NRG3: variants seen among roughly 807,000 people sequenced by gnomAD.
NRG3 encodes pro-neuregulin-3, membrane-bound isoform.
In NRG3, 31 loss-of-function variants were observed where a neutral mutation model predicts 66.9. That is an observed-to-expected ratio of 0.46 (90% confidence interval 0.35 to 0.63). The LOEUF (loss-of-function observed/expected upper bound fraction) is 0.63. Among genes scored for constraint, NRG3 ranks in the 20% least tolerant of loss-of-function variants. The pLI, the probability that NRG3 is intolerant of heterozygous loss-of-function variation, is 0.00. For missense variants in NRG3, 910 were observed against 878.9 expected, an observed-to-expected ratio of 1.04 and a Z score of -0.45; for synonymous variants, 393 against 359.4, an observed-to-expected ratio of 1.09 and a Z score of -1.06.
intron 2 of NRG3, among the ~76,000 whole-genome samples, chr10:82,471,351 C>T (rs930668545): frequency 5.3e-5 from 8 of 152,046 alleles, no homozygotes; most frequent in African/African-American, 1.7e-4. Context: ...GTTGGAGGCT[C>T]TCTGGGGATC....
At chr10:82,603,041 C>T (rs1159149273) in intron 2 of NRG3, among the ~76,000 whole-genome samples, 1 of 152,118 alleles carries the variant, frequency 6.6e-6, no homozygotes, top group Non-Finnish European at 1.5e-5. Flanking sequence ...GTAACTAGCC[C>T]TTTGGGTCTA....
intron 1 of NRG3, among the ~76,000 whole-genome samples, chr10:82,193,915 A>G (rs74618040): frequency 0.033 from 5,030 of 152,232 alleles, 122 homozygotes; most frequent in African/African-American, 0.069. Context: ...AAACATCAGG[A>G]ACAGAAAACA....
At chr10:82,273,477 A>T (rs956189669) in intron 1 of NRG3, among the ~76,000 whole-genome samples, 1 of 152,094 alleles carries the variant, frequency 6.6e-6, no homozygotes, top group African/African-American at 2.4e-5. Flanking sequence ...AACATTTTTT[A>T]AAATTTAAAA....
intron 1 of NRG3, among the ~76,000 whole-genome samples, chr10:82,088,504 A>C (rs1372240351): frequency 6.6e-6 from 1 of 152,194 alleles, no homozygotes; most frequent in Non-Finnish European, 1.5e-5. Flanking sequence ...TGTTGTGAGA[A>C]TTGAAAGCCT....
chr10:82,031,202 T>C (rs2062553563), intron 1 of NRG3, among the ~76,000 whole-genome samples: 1 of 152,158 alleles, frequency 6.6e-6, no homozygotes, highest in Non-Finnish European at 1.5e-5. Context: ...TTGTTTCAAC[T>C]GAGTGCACAC....
At chr10:82,979,612 A>G (rs1355854991) in intron 8 of NRG3, among the ~76,000 whole-genome samples, 1 of 152,134 alleles carries the variant, frequency 6.6e-6, no homozygotes, top group East Asian at 1.9e-4. Flanking sequence ...AACTTACTGA[A>G]CTCATATATG....
At chr10:81,889,208 C>A (rs568358975) in intron 1 of NRG3, 5 of 152,180 alleles carry the variant, frequency 3.3e-5, no homozygotes. Context: ...GAGGCAAAAA[C>A]TCCTTTATGA....
chr10:82,449,854 C>G (rs1263114122), intron 2 of NRG3, among the ~76,000 whole-genome samples: 1 of 152,140 alleles, frequency 6.6e-6, no homozygotes, highest in Non-Finnish European at 1.5e-5. Context: ...AACAATAACT[C>G]ATTCAGGGCT....
intron 1 of NRG3, among the ~76,000 whole-genome samples, chr10:82,173,541 A>G (rs1438486134): frequency 1.3e-5 from 2 of 152,116 alleles, no homozygotes; most frequent in African/African-American, 4.8e-5. Flanking sequence ...GTACAAGGAC[A>G]TTGACCAGAT....
chr10:82,083,767 T>C (rs1395885748), intron 1 of NRG3, among the ~76,000 whole-genome samples: 4 of 150,672 alleles, frequency 2.7e-5, no homozygotes, highest in African/African-American at 9.8e-5. Context: ...GCTAATGTTT[T>C]TTTTTGTTTT....
chr10:82,905,703 C>T (rs895094465), intron 4 of NRG3, among the ~76,000 whole-genome samples: 16 of 152,104 alleles, frequency 1.1e-4, no homozygotes, highest in African/African-American at 3.6e-4. Flanking sequence ...CCCGACCTCC[C>T]ATTTCTTTCT....
At chr10:82,028,648 GC>G (rs2062425453) in intron 1 of NRG3, among the ~76,000 whole-genome samples, 1 of 152,032 alleles carries the variant, frequency 6.6e-6, no homozygotes, top group Admixed American at 6.6e-5. Context: ...CCTCAGATCA[GC>G]ACACATCTTT....
intron 2 of NRG3, among the ~76,000 whole-genome samples, chr10:82,527,773 T>C (rs907362100): frequency 8.5e-5 from 13 of 152,312 alleles, no homozygotes; most frequent in African/African-American, 2.9e-4. Flanking sequence ...TTGATCTTAA[T>C]GAGCTCTTTT....
chr10:82,077,489 C>A (rs1017878743), intron 1 of NRG3, among the ~76,000 whole-genome samples: 3 of 152,012 alleles, frequency 2.0e-5, no homozygotes, highest in African/African-American at 7.3e-5. Flanking sequence ...ATTTCATATC[C>A]CTTGGGGTAA....
chr10:82,546,596 G>A (rs903866488), intron 2 of NRG3, among the ~76,000 whole-genome samples: 1 of 152,088 alleles, frequency 6.6e-6, no homozygotes, highest in Non-Finnish European at 1.5e-5. Flanking sequence ...TTTTAATTAT[G>A]CAAGTTCCTA....
chr10:82,403,722 C>T (rs960996306), intron 2 of NRG3, among the ~76,000 whole-genome samples: 10 of 152,052 alleles, frequency 6.6e-5, no homozygotes, highest in African/African-American at 2.4e-4. Context: ...TTGTCGAGTG[C>T]TTGCTTTTGC....
chr10:81,900,375 A>G (rs1843949551), intron 1 of NRG3, among the ~76,000 whole-genome samples: 1 of 152,176 alleles, frequency 6.6e-6, no homozygotes, highest in South Asian at 2.1e-4. Flanking sequence ...TTCATTTGGT[A>G]TTCATACAAA....
chr10:82,248,889 C>G (rs1298509555), intron 1 of NRG3, among the ~76,000 whole-genome samples: 1 of 152,090 alleles, frequency 6.6e-6, no homozygotes, highest in Non-Finnish European at 1.5e-5. Context: ...GTTTGTGTTT[C>G]CTGGCTTGTC....
intron 1 of NRG3, among the ~76,000 whole-genome samples, chr10:82,010,261 T>C (rs1367908509): frequency 6.6e-6 from 1 of 152,202 alleles, no homozygotes; most frequent in East Asian, 1.9e-4. Context: ...TAAACAAGTG[T>C]GTCCAATTCC....
Sources: allele counts gnomAD v4.1 joint callset (sites outside exome capture counted in the v4.1 genomes callset), GRCh38; gene constraint gnomAD v4.1.1; transcripts MANE v1.5; gene names NCBI Gene and HGNC (gene_info 2026-07-23, HGNC 2026-07-21).